EPHA6: variants seen among roughly 807,000 people sequenced by gnomAD.
EPHA6 encodes EPH receptor A6.
EPHA6 carries 50 observed loss-of-function variants against 112.0 expected under a neutral mutation model. The ratio of observed to expected loss-of-function variants is 0.45; its 90% CI spans 0.36 to 0.56. EPHA6 has a LOEUF of 0.56. Ranked by LOEUF, EPHA6 falls within the 20% of genes least tolerant of loss-of-function variation. EPHA6 has a pLI of 0.00. For synonymous variants in EPHA6, 529 were observed against 490.7 expected, an observed-to-expected ratio of 1.08 and a Z score of -1.03; for missense variants, 1,280 against 1,417.4, an observed-to-expected ratio of 0.90 and a Z score of 1.56.
chr3:97,370,291 T>C (rs2084972321), intron 5 of EPHA6, among the ~76,000 whole-genome samples: 1 of 152,210 alleles, frequency 6.6e-6, no homozygotes. Context: ...CATTCATTCA[T>C]CTAGCATATA....
chr3:97,634,240 A>T (rs892786856), intron 13 of EPHA6, among the ~76,000 whole-genome samples: 1 of 152,098 alleles, frequency 6.6e-6, no homozygotes, highest in East Asian at 1.9e-4. Flanking sequence ...AATGAAATAA[A>T]ATAAGACCTG....
chr3:97,676,256 A>G (rs1407543035), intron 14 of EPHA6, among the ~76,000 whole-genome samples: 1 of 152,100 alleles, frequency 6.6e-6, no homozygotes, highest in Non-Finnish European at 1.5e-5. Context: ...GAGGAGGAGG[A>G]TACTGAGAAG....
Position 97,098,238 on chromosome 3 carries a change from G to A in EPHA6, c.1114+110245G>A, listed in dbSNP as rs138248994. On this transcript the variant is annotated intron_variant, in intron 3 of 17. Coordinates refer to ENST00000389672, the MANE Select transcript of EPHA6 (RefSeq NM_001080448.3). ...ATTGGACCAAGTCTGATTCATGAGT[G>A]TATGCTCTAATCAGGCTTTTATTCT... 6.0e-3 allele frequency among the ~76,000 whole-genome samples: 912 copies of A among 152,002 alleles called. 10 individuals are homozygous for A. Among genetic ancestry groups the A allele is most frequent in the African/African-American group, 0.02 (826 of 41,532 alleles).
rs76495909 is a variant in EPHA6 at position 97,402,938 on chromosome 3, T to A, written c.1607-2212T>A. ...TAATACTTAAGTCTTTCTTAGAAAT[T>A]GAAATATGACAGAATCAATTTTTCA... is the stretch of plus-strand genomic sequence containing the variant. On this transcript the variant is annotated intron_variant, in intron 5 of 17. Coordinates refer to ENST00000389672, the MANE Select transcript of EPHA6 (RefSeq NM_001080448.3). Among the ~76,000 whole-genome samples, 55 of 152,276 alleles carry A rather than the reference T, an allele frequency of 3.6e-4. 2 individuals are homozygous for A. The East Asian group carries it at 0.011, about 29-fold the overall frequency.
chr3:97,671,835 GA>G lies in EPHA6; in HGVS notation c.2784+33763del, dbSNP rs111627780. ...CAGTATAGATTTTCAATGTCAAAAAGAAAAAAAAAAGCAGAAATAGAAGCTA... is the reference window on the plus strand; with the variant it reads ...CAGTATAGATTTTCAATGTCAAAAAGAAAAAAAAAGCAGAAATAGAAGCTA... On this transcript the variant is annotated intron_variant, in intron 14 of 17. Transcript: ENST00000389672. Among the ~76,000 whole-genome samples, 587 of 145,654 alleles carry G rather than the reference GA, an allele frequency of 4.0e-3. 4 individuals are homozygous for G. Among genetic ancestry groups the G allele is most frequent in the African/African-American group, 0.012 (495 of 39,800 alleles).
chr3:97,289,216 C>T (rs546949112), intron 5 of EPHA6, among the ~76,000 whole-genome samples: 1 of 152,020 alleles, frequency 6.6e-6, no homozygotes, highest in Non-Finnish European at 1.5e-5. Context: ...AGTTTTAGGT[C>T]TTACGTTTAA....
intron 11 of EPHA6, among the ~76,000 whole-genome samples, chr3:97,557,812 TG>T (rs1269662231): frequency 6.6e-6 from 1 of 152,024 alleles, no homozygotes; most frequent in East Asian, 1.9e-4. Context: ...TGTTTTAAAA[TG>T]AGCATTGAGT....
chr3:96,949,599 G>A (rs1256627876), intron 2 of EPHA6, among the ~76,000 whole-genome samples: 1 of 152,132 alleles, frequency 6.6e-6, no homozygotes, highest in Non-Finnish European at 1.5e-5. Context: ...AGCAGGTGAT[G>A]TAGGATTACA....
chr3:96,870,962 A>T (rs2036593433), intron 2 of EPHA6, among the ~76,000 whole-genome samples: 2 of 152,098 alleles, frequency 1.3e-5, no homozygotes, highest in Non-Finnish European at 2.9e-5. Context: ...AATTGAAATT[A>T]TCCAAAACTA....
At chr3:96,986,144 T>G (rs1157597470) in intron 2 of EPHA6, among the ~76,000 whole-genome samples, 3 of 152,184 alleles carry the variant, frequency 2.0e-5, no homozygotes, top group Non-Finnish European at 4.4e-5. Flanking sequence ...GGAGTTATAA[T>G]CTAAATTTAC....
chr3:96,988,085 T>G, intron 3 of EPHA6, 92 bp downstream of exon 3: 1 of 979,536 alleles, frequency 1.0e-6, no homozygotes. Flanking sequence ...ATTGTGCATA[T>G]TCATGGGTGT....
At chr3:97,369,157 T>C (rs2084907969) in intron 5 of EPHA6, among the ~76,000 whole-genome samples, 1 of 152,198 alleles carries the variant, frequency 6.6e-6, no homozygotes, top group African/African-American at 2.4e-5. Flanking sequence ...TGTCATGATA[T>C]AACAATGAAA....
intron 1 of EPHA6, among the ~76,000 whole-genome samples, chr3:96,857,021 A>G (rs1025828263): frequency 9.2e-5 from 14 of 152,204 alleles, no homozygotes; most frequent in Non-Finnish European, 1.9e-4. Context: ...TCACTTTGTC[A>G]TCAAAATATT....
chr3:97,467,679 A>T (rs1577492720), intron 7 of EPHA6, among the ~76,000 whole-genome samples: 1 of 151,746 alleles, frequency 6.6e-6, no homozygotes, highest in African/African-American at 2.4e-5. Context: ...TGTTCTCAAG[A>T]CCTATCTCAA....
intron 5 of EPHA6, among the ~76,000 whole-genome samples, chr3:97,297,376 G>A (rs564183549): frequency 4.6e-5 from 7 of 152,244 alleles, no homozygotes; most frequent in Admixed American, 1.3e-4. Flanking sequence ...TATGGAAAAG[G>A]CTAGTTCTGG....
At chr3:97,645,952 G>A (rs2094057488) in intron 14 of EPHA6, among the ~76,000 whole-genome samples, 1 of 152,104 alleles carries the variant, frequency 6.6e-6, no homozygotes, top group Non-Finnish European at 1.5e-5. Flanking sequence ...AAAATAAGAA[G>A]ACATGATAGA....
rs541262766 is a variant in EPHA6, at chr3:97,696,055, T to A, written c.2785-24206T>A. Among the ~76,000 whole-genome samples, 3 of 152,360 alleles carry A rather than the reference T, an allele frequency of 2.0e-5. No individual in the cohort carries two copies. The East Asian group carries it at 5.8e-4, about 29-fold the overall frequency. On this transcript the variant is annotated intron_variant, in intron 14 of 17. Transcript: ENST00000389672. ...CGATGATTTTTCACATAACTTTCTA[T>A]ATTCAAAATCACAGAAATCACAAGT...
intron 16 of EPHA6, among the ~76,000 whole-genome samples, chr3:97,746,246 C>T (rs562411872): frequency 2.6e-5 from 4 of 151,622 alleles, no homozygotes; most frequent in Non-Finnish European, 5.9e-5. Flanking sequence ...TACAACATAT[C>T]GATTTCACTC....
intron 14 of EPHA6, among the ~76,000 whole-genome samples, chr3:97,690,652 G>C (rs771369351): frequency 1.3e-5 from 2 of 152,012 alleles, no homozygotes; most frequent in African/African-American, 4.8e-5. Context: ...ATTTTTAGTA[G>C]AGACGAGGTT....
Sources: gnomAD v4.1 joint callset for allele counts (sites outside exome capture counted in the v4.1 genomes callset) on GRCh38, gnomAD v4.1.1 for gene constraint, MANE v1.5 for transcripts, NCBI Gene and HGNC (gene_info 2026-07-23, HGNC 2026-07-21) for gene names.